PHTF2: variants seen among roughly 807,000 people sequenced by gnomAD.
PHTF2 encodes the protein putative homeodomain transcription factor 2, also known as protein PHTF2.
Under a neutral mutation model 101.2 loss-of-function variants are expected in PHTF2, and 60 were observed. That is an observed-to-expected ratio of 0.59 (90% confidence interval 0.48 to 0.73). PHTF2 has a LOEUF of 0.73. Ranked by LOEUF, PHTF2 falls within the 30% of genes least tolerant of loss-of-function variation. The pLI is 0.00. For missense variants in PHTF2, 747 were observed against 908.7 expected (o/e 0.82, Z 2.29); for synonymous variants, 311 against 307.3 (o/e 1.01, Z -0.13).
chr7:77,887,011 A>G (rs372179939), intron 3 of PHTF2, among the ~76,000 whole-genome samples: 1 of 149,432 alleles, frequency 6.7e-6, no homozygotes, highest in Non-Finnish European at 1.5e-5. Flanking sequence ...ATGCTACTAC[A>G]CTCCAGTCTG....
chr7:77,805,954 C>T (rs1459519767), intron 1 of PHTF2, among the ~76,000 whole-genome samples: 1 of 152,194 alleles, frequency 6.6e-6, no homozygotes, highest in Non-Finnish European at 1.5e-5. Flanking sequence ...GCAGGCGGGT[C>T]ATTTGAGATC....
chr7:77,928,479 T>C (rs1804267115), intron 11 of PHTF2, among the ~76,000 whole-genome samples: 1 of 150,700 alleles, frequency 6.6e-6, no homozygotes, highest in East Asian at 2.0e-4. Flanking sequence ...ATAAATCCAC[T>C]CTTGCTTAAA....
At chr7:77,854,150 T>C (rs1299834944) in intron 2 of PHTF2, among the ~76,000 whole-genome samples, 2 of 152,244 alleles carry the variant, frequency 1.3e-5, no homozygotes, top group Non-Finnish European at 2.9e-5. Context: ...ACTGCAGCCA[T>C]GTCTGCATCA....
intron 9 of PHTF2, among the ~76,000 whole-genome samples, chr7:77,914,334 T>C (rs985158881): frequency 1.3e-5 from 2 of 152,144 alleles, no homozygotes; most frequent in Admixed American, 6.5e-5. Flanking sequence ...GAGTTGGATA[T>C]GCAATATTTT....
chr7:77,932,621 A>AGAGTGTGTGTGTGT (rs759880633), intron 12 of PHTF2, among the ~76,000 whole-genome samples: 41 of 118,556 alleles, frequency 3.5e-4, no homozygotes, highest in African/African-American at 1.3e-3. Context: ...AGAGAGAGAG[A>AGAGTGTGTGTGTGT]GTGTGTGTGT....
intron 1 of PHTF2, among the ~76,000 whole-genome samples, chr7:77,809,160 G>A (rs1793217583): frequency 6.6e-6 from 1 of 151,576 alleles, no homozygotes. Context: ...AAGAAATGTA[G>A]GCATGTATGA....
At chr7:77,915,850 T>C (rs1202270369) in intron 9 of PHTF2, among the ~76,000 whole-genome samples, 2 of 152,146 alleles carry the variant, frequency 1.3e-5, no homozygotes, top group Non-Finnish European at 2.9e-5. Context: ...AAGAAACTAC[T>C]AGCCTTGCTG....
At position 77,850,702 on chromosome 7, in the gene PHTF2, G is replaced by A. The variant is rs79400562; in HGVS notation, c.46-4031G>A. On this transcript the variant is annotated intron_variant, in intron 2 of 19. Coordinates refer to ENST00000416283, the Ensembl canonical transcript of PHTF2. The stretch of plus-strand genomic sequence containing the variant: ...TCTTCCCAGAATGTGGGGGCTTTGG[G>A]GGGAAAAAAACAAAATGGTCATCCT... 5.0e-3 allele frequency among the ~76,000 whole-genome samples: 760 copies of A among 152,000 alleles called. 13 individuals carry two copies. The highest frequency in any genetic ancestry group is 0.031 in the East Asian group (162 of 5,168).
chr7:77,831,347 C>T lies in PHTF2; in HGVS notation c.-35-8874C>T, dbSNP rs565123690. 2.3e-4 allele frequency among the ~76,000 whole-genome samples: 35 copies of T among 152,304 alleles called. No homozygotes were observed. The South Asian group carries it at 5.8e-3, about 25-fold the overall frequency. On this transcript the variant is annotated intron_variant, in intron 1 of 19. Transcript: ENST00000416283. ...TAAAGCATTGCTAAAGCTAAGAAGC[C>T]GTTTACTATTGGTGAAGAGTTGATC...
chr7:77,948,110 G>A (rs1457836384), intron 16 of PHTF2, among the ~76,000 whole-genome samples: 1 of 151,912 alleles, frequency 6.6e-6, no homozygotes, highest in Non-Finnish European at 1.5e-5. Context: ...AAATTGCTGG[G>A]ATTACAGGCG....
At chr7:77,851,040 C>T (rs1406372751) in intron 2 of PHTF2, among the ~76,000 whole-genome samples, 2 of 152,024 alleles carry the variant, frequency 1.3e-5, no homozygotes, top group African/African-American at 4.8e-5. Flanking sequence ...GGATTTTTGT[C>T]TTTATCAGGG....
intron 12 of PHTF2, among the ~76,000 whole-genome samples, chr7:77,935,800 G>T (rs916202335): frequency 3.3e-5 from 5 of 152,168 alleles, no homozygotes; most frequent in African/African-American, 1.2e-4. Context: ...CTGTAAATCA[G>T]TGGTTGAAAT....
intron 7 of PHTF2, chr7:77,906,630 A>G (rs912512524): frequency 6.6e-6 from 1 of 152,218 alleles, no homozygotes. Context: ...TATAAAACCT[A>G]AAGTTTTAAA....
chr7:77,840,223 TA>T lies in PHTF2; in HGVS notation c.-29del. 1 of 1,551,930 alleles carries T rather than the reference TA, an allele frequency of 6.4e-7. No homozygotes were observed. Among genetic ancestry groups the T allele is most frequent in the Non-Finnish European group, 8.9e-7 (1 of 1,123,700 alleles). On this transcript the variant is annotated 5_prime_UTR_variant, in exon 2 of 20. In the 5' UTR this introduces an upstream ATG that the reference lacks. Coordinates refer to ENST00000416283, the Ensembl canonical transcript of PHTF2. ...GTATGTTTTTCTCTCTTGCACAGCC[TA>T]AAATGACCAATGTGTGATTTCAGTG... is the stretch of plus-strand genomic sequence containing the variant.
chr7:77,923,547 G>A, intron 11 of PHTF2: 1 of 985,284 alleles, frequency 1.0e-6, no homozygotes, highest in Non-Finnish European at 1.2e-6. Context: ...TCTTCTTTGT[G>A]GTTGTGTCTC....
chr7:77,906,110 C>T (rs1286614982), intron 7 of PHTF2, among the ~76,000 whole-genome samples: 4 of 152,124 alleles, frequency 2.6e-5, no homozygotes, highest in Admixed American at 2.6e-4. Context: ...GCCTCAGCCT[C>T]CCGAGTAGCT....
intron 19 of PHTF2, among the ~76,000 whole-genome samples, chr7:77,954,610 GTGTATATATATA>G (rs1477002439): frequency 6.7e-4 from 55 of 82,530 alleles, no homozygotes; most frequent in Middle Eastern, 0.012. Context: ...AACAAGTACT[GTGTATATATATA>G]TATATATATA....
At chr7:77,893,688 T>C (rs1176419137) in intron 4 of PHTF2, 24 bp downstream of exon 3, 1 of 1,033,048 alleles carries the variant, frequency 9.7e-7, no homozygotes, top group East Asian at 2.5e-5. Context: ...TTCATTTTGT[T>C]TATTTTGAAA....
intron 16 of PHTF2, among the ~76,000 whole-genome samples, chr7:77,944,068 A>ATATTGTGTAC (rs1805853970): frequency 6.6e-6 from 1 of 152,176 alleles, no homozygotes; most frequent in Admixed American, 6.6e-5. Flanking sequence ...TTGAATGTAC[A>ATATTGTGTAC]TATTGTGTAC....
Sources: allele counts gnomAD v4.1 joint callset (sites outside exome capture counted in the v4.1 genomes callset), GRCh38; gene constraint gnomAD v4.1.1; transcripts MANE v1.5; gene names NCBI Gene and HGNC (gene_info 2026-07-23, HGNC 2026-07-21).